GABRA3: variants seen among roughly 807,000 people sequenced by gnomAD.
GABRA3 encodes the protein gamma-aminobutyric acid type A receptor subunit alpha3, also known as gamma-aminobutyric acid receptor subunit alpha-3.
Under a neutral mutation model 30.1 loss-of-function variants are expected in GABRA3, and 10 were observed. The ratio of observed to expected loss-of-function variants is 0.33; its 90% CI spans 0.20 to 0.56. The LOEUF (loss-of-function observed/expected upper bound fraction) is 0.56, where lower values mean the gene tolerates loss of function less well. Among genes scored for constraint, GABRA3 ranks in the 20% least tolerant of loss-of-function variants. The probability of loss-of-function intolerance (pLI) is 0.89; values close to 1 mark genes in which losing one functional copy is unlikely to be tolerated. For missense variants in GABRA3, 233 were observed against 392.0 expected, an observed-to-expected ratio of 0.59 and a Z score of 3.42; for synonymous variants, 151 against 146.8, an observed-to-expected ratio of 1.03 and a Z score of -0.21.
chrX:152,180,910 T>A (rs1324817974), intron 9 of GABRA3, among the ~76,000 whole-genome samples: 1 of 112,431 alleles, frequency 8.9e-6, no homozygotes, highest in Non-Finnish European at 1.9e-5. Flanking sequence ...GTCTGTTTTA[T>A]GCCAGTACCA....
chrX:152,424,928 C>CTTTTTT (rs747255822), intron 1 of GABRA3, among the ~76,000 whole-genome samples: 46 of 42,335 alleles, frequency 1.1e-3, no homozygotes, highest in East Asian at 1.9e-3. Context: ...TTTTTCTTTT[C>CTTTTTT]TTTTTTTTTT....
At chrX:152,311,616 A>G (rs1939800245) in intron 3 of GABRA3, among the ~76,000 whole-genome samples, 1 of 111,996 alleles carries the variant, frequency 8.9e-6, no homozygotes, top group East Asian at 2.8e-4. Flanking sequence ...AAAAGCTGTA[A>G]TCATTCCCCT....
chrX:152,295,993 T>A (rs1275098612), intron 3 of GABRA3, among the ~76,000 whole-genome samples: 1 of 112,115 alleles, frequency 8.9e-6, no homozygotes, highest in Non-Finnish European at 1.9e-5. Context: ...ATAAATGATA[T>A]GAACAAAACT....
chrX:152,237,608 T>C (rs1214243421), intron 5 of GABRA3, among the ~76,000 whole-genome samples: 1 of 107,316 alleles, frequency 9.3e-6, no homozygotes, highest in Non-Finnish European at 1.9e-5. Flanking sequence ...TTTCACGATA[T>C]TGATTCTTCC....
chrX:152,248,468 C>A (rs1268158409), intron 5 of GABRA3, among the ~76,000 whole-genome samples: 4 of 110,552 alleles, frequency 3.6e-5, no homozygotes, highest in Non-Finnish European at 7.6e-5. Context: ...TGCACATGTA[C>A]CCTAAAACTT....
chrX:152,234,784 T>C (rs1938164572), intron 5 of GABRA3, among the ~76,000 whole-genome samples: 1 of 111,674 alleles, frequency 9.0e-6, no homozygotes, highest in African/African-American at 3.2e-5. Context: ...TGGCTGTAGG[T>C]ATGAAGCTTT....
In GABRA3 at chrX:152,275,255, A is replaced by G. The variant is rs1315896047; in HGVS notation, c.330+9413T>C. ...TATATATATTTTATTATATATAATA[A>G]AATATATATAAATTATATATATAAA... On this transcript the variant is annotated intron_variant, in intron 4 of 9. Coordinates refer to ENST00000370314, the MANE Select transcript of GABRA3 (RefSeq NM_000808.4). Among the ~76,000 whole-genome samples, 5 of 46,224 alleles carry G rather than the reference A, an allele frequency of 1.1e-4. No individual in the cohort carries two copies. The Admixed American group carries it at 1.6e-3, about 15-fold the overall frequency. The allele number at this position is 46,224 out of a possible 115,157, so 40.1% of individuals were successfully genotyped here. A position where few individuals can be genotyped will look rare whatever the true frequency, so the allele number is the denominator to read the frequency against.
At position 152,275,216 on chromosome X, in the gene GABRA3, A is replaced by T. The variant is rs1490308802; in HGVS notation, c.330+9452T>A. Among the ~76,000 whole-genome samples the T allele has an allele frequency of 6.0e-5, 3 of 49,650 alleles. 1 individual carries two copies. Among genetic ancestry groups the T allele is most frequent in the African/African-American group, 2.5e-4 (2 of 7,853 alleles). 43.1% of individuals were successfully genotyped at this position (49,650 alleles called of 115,157 possible). A position where few individuals can be genotyped will look rare whatever the true frequency, so the allele number is the denominator to read the frequency against. ...ATATATAATTTATATATATAATATT[A>T]TATATATATAATTTATATATATTTT... On this transcript the variant is annotated intron_variant, in intron 4 of 9. Coordinates refer to ENST00000370314, the MANE Select transcript of GABRA3 (RefSeq NM_000808.4).
chrX:152,260,166 G>C (rs1216731884), intron 4 of GABRA3, among the ~76,000 whole-genome samples: 1 of 111,057 alleles, frequency 9.0e-6, no homozygotes, highest in African/African-American at 3.3e-5. Flanking sequence ...AAAAGGGGAA[G>C]GTGGAGTAGG....
At chrX:152,236,519 A>T (rs1938217718) in intron 5 of GABRA3, among the ~76,000 whole-genome samples, 1 of 94,015 alleles carries the variant, frequency 1.1e-5, no homozygotes, top group Admixed American at 1.2e-4. Flanking sequence ...CAGTAATGGG[A>T]TGGCTGGGTC....
At chrX:152,385,727 T>G (rs992840728) in intron 1 of GABRA3, among the ~76,000 whole-genome samples, 2 of 111,814 alleles carry the variant, frequency 1.8e-5, no homozygotes, top group Admixed American at 9.5e-5. Context: ...TGGTTTTGGG[T>G]CTAACGTTTA....
chrX:152,167,350 A>G lies in GABRA3; in HGVS notation c.*878T>C, dbSNP rs1005184955. ...CTTTTGTATCTCTCCCATATTTTAA[A>G]AAAATGTTTTTTTTAAATCTAGATC... is the stretch of plus-strand genomic sequence containing the variant. On this transcript the variant is annotated 3_prime_UTR_variant, in exon 10 of 10. Transcript: ENST00000370314. 8.9e-6 allele frequency: 1 copy of G among 112,290 alleles called. No homozygotes were observed. The highest frequency in any genetic ancestry group is 9.4e-5 in the Admixed American group (1 of 10,628). The allele number at this position is 112,290 out of a possible 1,213,427, so 9.3% of individuals were successfully genotyped here.
chrX:152,368,819 C>T (rs757225535), intron 1 of GABRA3, among the ~76,000 whole-genome samples: 2 of 104,577 alleles, frequency 1.9e-5, no homozygotes, highest in African/African-American at 3.5e-5. Context: ...CATTCTCCTG[C>T]CTCAGCCTCC....
chrX:152,286,274 A>G (rs749688693), intron 3 of GABRA3, among the ~76,000 whole-genome samples: 1 of 108,193 alleles, frequency 9.2e-6, no homozygotes, highest in African/African-American at 3.4e-5. Context: ...TGTCAGCCCT[A>G]CTTACCCCCA....
intron 2 of GABRA3, among the ~76,000 whole-genome samples, chrX:152,362,556 C>T (rs1331453723): frequency 9.0e-6 from 1 of 111,286 alleles, no homozygotes; most frequent in Admixed American, 9.5e-5. Flanking sequence ...TAGGTATGGT[C>T]AAACATGCAT....
rs184496061 is a variant in GABRA3 at position 152,384,654 on chromosome X, T to C, written c.-26-20058A>G. ...GATCTAAATATGAAAGGCAGAATGA[T>C]AAAGCCTGTACAATAGAAATGAACT... On this transcript the variant is annotated intron_variant, in intron 1 of 9. Transcript: ENST00000370314. Among the ~76,000 whole-genome samples, 19 of 112,336 alleles carry C rather than the reference T, an allele frequency of 1.7e-4. No individual in the cohort carries two copies. In the East Asian group the frequency reaches 5.3e-3, roughly 31 times the overall value.
chrX:152,424,700 C>T (rs1195512516), intron 1 of GABRA3, among the ~76,000 whole-genome samples: 1 of 110,921 alleles, frequency 9.0e-6, no homozygotes, highest in Non-Finnish European at 1.9e-5. Flanking sequence ...CTGGTATAAG[C>T]TGTTTTTATC....
At chrX:152,379,716 G>C (rs1461702569) in intron 1 of GABRA3, among the ~76,000 whole-genome samples, 1 of 111,743 alleles carries the variant, frequency 8.9e-6, no homozygotes, top group East Asian at 2.8e-4. Flanking sequence ...AATTTATATG[G>C]AAATGCAAAG....
chrX:152,323,333 G>T (rs780081241), intron 3 of GABRA3, among the ~76,000 whole-genome samples: 1 of 111,444 alleles, frequency 9.0e-6, no homozygotes, highest in African/African-American at 3.3e-5. Context: ...TCTAGTACAA[G>T]TAGCAGCGGG....
Sources: gnomAD v4.1 joint callset for allele counts (sites outside exome capture counted in the v4.1 genomes callset) on GRCh38, gnomAD v4.1.1 for gene constraint, MANE v1.5 for transcripts, NCBI Gene and HGNC (gene_info 2026-07-23, HGNC 2026-07-21) for gene names.